Variants in NCOA6 observed in about 807,000 individuals in gnomAD.
NCOA6 encodes the protein nuclear receptor coactivator 6.
A neutral mutation model predicts 171.4 loss-of-function variants in NCOA6; 49 were observed. The ratio of observed to expected loss-of-function variants is 0.29; its 90% CI spans 0.23 to 0.36. NCOA6 has a LOEUF of 0.36. NCOA6 is among the 10% of genes least tolerant of loss of function. NCOA6 has a pLI of 1.00. For missense variants in NCOA6, 2,248 were observed against 2,554.5 expected, an observed-to-expected ratio of 0.88 and a Z score of 2.59; for synonymous variants, 910 against 927.5, an observed-to-expected ratio of 0.98 and a Z score of 0.34.
intron 4 of NCOA6, 32 bp from the exon 5 acceptor site, chr20:34,768,618 C>G (rs770100140): frequency 1.9e-6 from 3 of 1,608,914 alleles, no homozygotes; most frequent in South Asian, 2.2e-5. Context: ...AAAAGGAAAT[C>G]ATTAGAATAA....
intron 14 of NCOA6, among the ~76,000 whole-genome samples, chr20:34,719,697 T>C (rs964852962): frequency 2.7e-5 from 4 of 148,986 alleles, no homozygotes; most frequent in East Asian, 2.0e-4. Context: ...TTCATTAGAG[T>C]AGTAAAAGTG....
At chr20:34,764,570 C>T (rs1387320610) in intron 5 of NCOA6, among the ~76,000 whole-genome samples, 2 of 151,508 alleles carry the variant, frequency 1.3e-5, no homozygotes, top group African/African-American at 4.9e-5. Flanking sequence ...CCTGTAATCC[C>T]AGCTACTAGG....
At position 34,743,080 on chromosome 20, in the gene NCOA6, C is replaced by G. The variant is rs755002653; in HGVS notation, c.3176G>C (p.Gly1059Ala). 2 of 1,613,270 alleles carry G rather than the reference C, an allele frequency of 1.2e-6. No homozygotes were observed. The highest frequency in any genetic ancestry group is 1.7e-5 in the Admixed American group (1 of 59,998). ...PVSQNVHPPR[G>A]PLNPDSQRMP... ...TCTCTGGGAGTCGGGGTTCAGGGGG[C>G]CCCTTGGAGGATGGACATTTTGAGA... The change falls in exon 11 of 15, where the codon GGC (glycine) becomes GCC (alanine). Residue 1059 changes from glycine (G) to alanine (A), a missense_variant. By Grantham distance (60) the Gly-to-Ala change is moderately conservative. This residue lies in a region of NCOA6 where 352 missense variants were observed against 419.1 expected (regional missense o/e 0.84). Transcript: ENST00000359003.
chr20:34,792,348 T>C (rs2077912634), intron 2 of NCOA6, 102 bp downstream of exon 2: 1 of 386,444 alleles, frequency 2.6e-6, no homozygotes, highest in Non-Finnish European at 4.6e-6. Flanking sequence ...AATAAATGCA[T>C]TCTACACAGT....
intron 10 of NCOA6, among the ~76,000 whole-genome samples, chr20:34,745,079 T>C (rs192681804): frequency 1.2e-4 from 19 of 152,254 alleles, no homozygotes; most frequent in East Asian, 1.9e-4. Context: ...AGGACACACA[T>C]AGTGCCCATA....
intron 1 of NCOA6, among the ~76,000 whole-genome samples, chr20:34,810,881 A>G (rs377217195): frequency 5.9e-5 from 9 of 152,094 alleles, no homozygotes; most frequent in African/African-American, 2.2e-4. Context: ...ATCCTTTTTC[A>G]AATGCTTTCA....
intron 10 of NCOA6, 57 bp downstream of exon 10, chr20:34,746,750 C>G: frequency 6.7e-7 from 1 of 1,484,986 alleles, no homozygotes; most frequent in Non-Finnish European, 9.1e-7. Context: ...GACATGGAAG[C>G]CTTGTAATGC....
intron 5 of NCOA6, among the ~76,000 whole-genome samples, chr20:34,761,029 T>G (rs2076800331): frequency 1.3e-5 from 2 of 152,122 alleles, no homozygotes; most frequent in African/African-American, 4.8e-5. Context: ...GAGATCAGCC[T>G]GGCCAACATG....
intron 1 of NCOA6, chr20:34,821,691 C>T (rs2079013914): frequency 6.6e-6 from 1 of 151,900 alleles, no homozygotes; most frequent in African/African-American, 2.4e-5. Flanking sequence ...GGGTTCACAC[C>T]ATTCTCCTGC....
chr20:34,769,297 G>A (rs969713652), intron 4 of NCOA6, among the ~76,000 whole-genome samples: 1 of 151,926 alleles, frequency 6.6e-6, no homozygotes, highest in Non-Finnish European at 1.5e-5. Context: ...GGCCCAAGGG[G>A]TCCTGCTGCC....
intron 8 of NCOA6, among the ~76,000 whole-genome samples, chr20:34,751,481 A>ACT (rs1298510452): frequency 1.3e-5 from 2 of 151,752 alleles, no homozygotes; most frequent in African/African-American, 4.8e-5. Context: ...AATAATAATG[A>ACT]CTCTCAAAAG....
chr20:34,778,844 A>G (rs1324126196), intron 3 of NCOA6, among the ~76,000 whole-genome samples: 1 of 151,512 alleles, frequency 6.6e-6, no homozygotes, highest in Non-Finnish European at 1.5e-5. Context: ...CTGTAGTCCC[A>G]GCTACTTGGG....
chr20:34,741,669 A>C lies in NCOA6; in HGVS notation c.4587T>G (p.Ser1529=). The change falls in exon 11 of 15, where the codon TCT becomes TCG. Residue 1529 remains serine, a synonymous_variant. Coordinates refer to ENST00000359003, the MANE Select transcript of NCOA6 (RefSeq NM_014071.5). ...VVSGEDLKKA[S]VIPTLQDLSS... is the part of the protein sequence containing the mutation. ...ACAGATCCTGCAGTGTGGGAATGAC[A>C]GATGCTTTTTTGAGGTCCTCCCCAG... The C allele has an allele frequency of 6.2e-7, 1 of 1,614,192 alleles. No homozygotes were observed. The highest frequency in any genetic ancestry group is 2.2e-5 in the East Asian group (1 of 44,882).
In NCOA6 at chr20:34,776,371, CT is replaced by C; in HGVS notation, c.312del (p.Ala105ArgfsTer18). The C allele has an allele frequency of 6.2e-7, 1 of 1,614,178 alleles. No homozygotes were observed. Among genetic ancestry groups the C allele is most frequent in the East Asian group, 2.2e-5 (1 of 44,890 alleles). On this transcript the variant is annotated frameshift_variant, in exon 4 of 15. Coordinates refer to ENST00000359003, the MANE Select transcript of NCOA6 (RefSeq NM_014071.5). LOFTEE classifies it high-confidence loss of function. ...TGAGCAAGGATCCGTAGCCGCTCCG[CT>C]GCTTCCCGGGGGATGTTGAATGTCA... The part of the protein sequence containing the change: ...VRVTFNIPRE[A>X]AERLRILAQS...
intron 1 of NCOA6, among the ~76,000 whole-genome samples, chr20:34,805,715 T>C (rs2078428707): frequency 6.6e-6 from 1 of 151,492 alleles, no homozygotes; most frequent in Non-Finnish European, 1.5e-5. Context: ...GGAGTCTTAC[T>C]CTGGTGCCCA....
chr20:34,740,301 T>C, intron 11 of NCOA6, 62 bp downstream of exon 11: 1 of 1,539,960 alleles, frequency 6.5e-7, no homozygotes, highest in Non-Finnish European at 8.8e-7. Flanking sequence ...TCATGCTTTC[T>C]CTTGTGGGAT....
chr20:34,762,807 G>C (rs1381412681), intron 5 of NCOA6, among the ~76,000 whole-genome samples: 1 of 152,094 alleles, frequency 6.6e-6, no homozygotes, highest in Admixed American at 6.5e-5. Context: ...AGTTCAATTA[G>C]CAAGGGTCTG....
rs778928429 is a variant in NCOA6, at chr20:34,740,600, G to A, written c.5656C>T (p.Leu1886=). 6.2e-7 allele frequency: 1 copy of A among 1,614,208 alleles called. No homozygotes were observed. Among genetic ancestry groups the A allele is most frequent in the Non-Finnish European group, 8.5e-7 (1 of 1,180,044 alleles). Residue 1886 remains leucine (L), a synonymous_variant, in exon 11 of 15, where the codon CTG becomes TTG. Transcript: ENST00000359003. ...ACAGGGCTAGAGGTCATTTTTAGCA[G>A]AGTGGGTGCTGGGGGCGTTGGGGTT... ...SKTPTPPAPT[L]LKMTSSPVGP...
At chr20:34,807,697 T>C (rs979012526) in intron 1 of NCOA6, among the ~76,000 whole-genome samples, 12 of 152,032 alleles carry the variant, frequency 7.9e-5, no homozygotes, top group Non-Finnish European at 1.6e-4. Context: ...GGCTAATTTT[T>C]TGTATTTTTA....
Sources: allele counts gnomAD v4.1 joint callset (sites outside exome capture counted in the v4.1 genomes callset), GRCh38; gene constraint gnomAD v4.1.1; regional missense constraint gnomAD v4.1.1; transcripts MANE v1.5; gene names NCBI Gene and HGNC (gene_info 2026-07-23, HGNC 2026-07-21).